UBR1: variants seen among roughly 807,000 people sequenced by gnomAD.
UBR1 encodes the protein E3 ubiquitin-protein ligase UBR1.
In UBR1, 102 loss-of-function variants were observed where a neutral mutation model predicts 242.1. The ratio of observed to expected loss-of-function variants is 0.42; its 90% CI spans 0.36 to 0.50. The LOEUF (loss-of-function observed/expected upper bound fraction) is 0.50. Ranked by LOEUF, UBR1 falls within the 20% of genes least tolerant of loss-of-function variation. The probability of loss-of-function intolerance (pLI) is 0.01; values close to 1 mark genes in which losing one functional copy is unlikely to be tolerated. For synonymous variants in UBR1, 675 were observed against 684.8 expected (o/e 0.99, Z 0.22); for missense variants, 1,772 against 2,101.8 (o/e 0.84, Z 3.07).
intron 17 of UBR1, 120 bp downstream of exon 17, chr15:43,037,653 T>A (rs2141317912): frequency 1.2e-6 from 1 of 820,802 alleles, no homozygotes; most frequent in Non-Finnish European, 2.0e-6. Context: ...TCTAGGAGTT[T>A]ATACAAGAGA....
chr15:43,081,496 G>A (rs1371821791), intron 3 of UBR1, among the ~76,000 whole-genome samples: 1 of 150,290 alleles, frequency 6.7e-6, no homozygotes, highest in African/African-American at 2.5e-5. Context: ...TCAGTGCTTT[G>A]GATTTTCACT....
Position 42,944,993 on chromosome 15 carries a change from A to G in UBR1, c.*336T>C. 6.4e-6 allele frequency: 2 copies of G among 312,894 alleles called. No individual in the cohort carries two copies. Among genetic ancestry groups the G allele is most frequent in the Non-Finnish European group, 6.2e-6 (1 of 162,520 alleles). The allele number at this position is 312,894 out of a possible 1,614,324, so 19.4% of individuals were successfully genotyped here. ...AACACCAAATACAAAATTGCAGAAG[A>G]GTTAACCAACATATAAAATGTCTAC... On this transcript the variant is annotated 3_prime_UTR_variant, in exon 47 of 47. Coordinates refer to ENST00000290650, the MANE Select transcript of UBR1 (RefSeq NM_174916.3).
At chr15:43,053,914 C>T (rs926513973) in intron 12 of UBR1, among the ~76,000 whole-genome samples, 1 of 151,664 alleles carries the variant, frequency 6.6e-6, no homozygotes, top group South Asian at 2.1e-4. Context: ...ACAACCTCCA[C>T]CTCCTGCGTT....
At chr15:42,957,802 G>A (rs2031947977) in intron 44 of UBR1, among the ~76,000 whole-genome samples, 1 of 152,120 alleles carries the variant, frequency 6.6e-6, no homozygotes, top group South Asian at 2.1e-4. Context: ...AGGAGTTTGA[G>A]GCTGCAGTGA....
At chr15:42,960,776 C>CA in intron 42 of UBR1, 75 bp from the exon 43 acceptor site, 1 of 1,316,526 alleles carries the variant, frequency 7.6e-7, no homozygotes, top group Middle Eastern at 2.0e-4. Context: ...AAGCCATTCT[C>CA]TTTTTTTTTT....
At chr15:43,048,344 T>G (rs749846970) in intron 13 of UBR1, 48 bp downstream of exon 13, 1 of 1,482,964 alleles carries the variant, frequency 6.7e-7, no homozygotes, top group African/African-American at 1.4e-5. Flanking sequence ...TGCGGTTCAA[T>G]TTTTAAAAAT....
At chr15:42,987,480 C>G (rs944417833) in intron 35 of UBR1, among the ~76,000 whole-genome samples, 9 of 152,148 alleles carry the variant, frequency 5.9e-5, no homozygotes, top group Non-Finnish European at 1.2e-4. Flanking sequence ...CTTTGGGAGG[C>G]TGAGGCGGGA....
At chr15:43,031,881 A>T (rs141376797) in intron 20 of UBR1, among the ~76,000 whole-genome samples, 51 of 152,246 alleles carry the variant, frequency 3.3e-4, no homozygotes, top group African/African-American at 1.2e-3. Context: ...CATATATACA[A>T]AAATTGGCCA....
intron 2 of UBR1, among the ~76,000 whole-genome samples, chr15:43,084,485 C>A (rs1323345612): frequency 6.6e-6 from 1 of 152,184 alleles, no homozygotes; most frequent in Admixed American, 6.5e-5. Context: ...GAGATGGAGT[C>A]TTGCTCTGTT....
intron 6 of UBR1, among the ~76,000 whole-genome samples, chr15:43,060,502 T>C (rs1442974588): frequency 2.0e-5 from 3 of 152,194 alleles, no homozygotes; most frequent in Non-Finnish European, 2.9e-5. Context: ...TATGATATAC[T>C]TGTGGCCCAT....
At chr15:43,099,188 T>G (rs1316480772) in intron 1 of UBR1, among the ~76,000 whole-genome samples, 4 of 151,808 alleles carry the variant, frequency 2.6e-5, no homozygotes, top group Non-Finnish European at 5.9e-5. Flanking sequence ...AATACAAAAA[T>G]TAGGTGGGCA....
chr15:43,076,456 G>A (rs1394559950), intron 3 of UBR1, among the ~76,000 whole-genome samples: 1 of 151,534 alleles, frequency 6.6e-6, no homozygotes, highest in Non-Finnish European at 1.5e-5. Flanking sequence ...TCTAGGAAGC[G>A]AGGAGCGCCT....
At chr15:43,087,388 G>C (rs1448789672) in intron 1 of UBR1, among the ~76,000 whole-genome samples, 1 of 151,870 alleles carries the variant, frequency 6.6e-6, no homozygotes, top group African/African-American at 2.4e-5. Flanking sequence ...CTGGGCGACA[G>C]AGTGAGACTC....
intron 30 of UBR1, among the ~76,000 whole-genome samples, chr15:43,005,726 C>T (rs575373910): frequency 0.015 from 2,325 of 152,236 alleles, 29 homozygotes; most frequent in Non-Finnish European, 0.025. Context: ...TGGGAGACTC[C>T]ATTTTGTTCT....
intron 33 of UBR1, among the ~76,000 whole-genome samples, chr15:42,991,499 G>A (rs999628070): frequency 1.3e-5 from 2 of 151,738 alleles, no homozygotes; most frequent in Non-Finnish European, 2.9e-5. Context: ...CTGCAAATTT[G>A]TCTTTCACCA....
rs960520471 is a variant in UBR1 at position 42,981,233 on chromosome 15, T to A, written c.4150+2664A>T. 2.6e-5 allele frequency among the ~76,000 whole-genome samples: 4 copies of A among 152,144 alleles called. No homozygotes were observed. The East Asian group carries it at 7.7e-4, about 29-fold the overall frequency. On this transcript the variant is annotated intron_variant, in intron 37 of 46. Transcript: ENST00000290650. ...CTTATGCCTGGGGCATTTAAGCCAC[T>A]GTAATTTTATTAAAAAAAACCTTCA...
intron 37 of UBR1, among the ~76,000 whole-genome samples, chr15:42,979,185 G>A (rs1208140834): frequency 1.3e-5 from 2 of 151,366 alleles, no homozygotes; most frequent in Admixed American, 1.3e-4. Flanking sequence ...GAGCCACTGT[G>A]CCCAACCAAT....
chr15:43,007,042 G>C (rs761924537), intron 30 of UBR1, 37 bp downstream of exon 30: 22 of 1,603,198 alleles, frequency 1.4e-5, no homozygotes, highest in Non-Finnish European at 1.6e-5. Context: ...GGCATGAAAA[G>C]AAATGCACAA....
At chr15:43,068,493 T>A (rs887118843) in intron 5 of UBR1, among the ~76,000 whole-genome samples, 1 of 152,160 alleles carries the variant, frequency 6.6e-6, no homozygotes, top group Non-Finnish European at 1.5e-5. Flanking sequence ...AGCCCAGAAT[T>A]TGATTTTAAG....
Sources: gnomAD v4.1 joint callset for allele counts (sites outside exome capture counted in the v4.1 genomes callset) on GRCh38, gnomAD v4.1.1 for gene constraint, MANE v1.5 for transcripts, NCBI Gene and HGNC (gene_info 2026-07-23, HGNC 2026-07-21) for gene names.